The following LAMC2 variants were observed in gnomAD, a reference collection of about 807,000 sequenced individuals.
The protein encoded by LAMC2 is laminin subunit gamma 2, also known as laminin subunit gamma-2.
A neutral mutation model predicts 140.2 loss-of-function variants in LAMC2; 97 were observed. The ratio of observed to expected loss-of-function variants is 0.69; its 90% CI spans 0.59 to 0.82. The LOEUF (loss-of-function observed/expected upper bound fraction) is 0.82, where lower values mean the gene tolerates loss of function less well. Ranked by LOEUF, LAMC2 falls within the 40% of genes least tolerant of loss-of-function variation. LAMC2 has a pLI of 0.00. For synonymous variants in LAMC2, 513 were observed against 540.2 expected (o/e 0.95, Z 0.70); for missense variants, 1,402 against 1,476.1 (o/e 0.95, Z 0.82).
In LAMC2 at chr1:183,235,733, A is replaced by G. The variant is rs776569646; in HGVS notation, c.2456+3A>G. On this transcript the variant is annotated splice_donor_region_variant and intron_variant, in intron 16 of 22. Coordinates refer to ENST00000264144, the MANE Select transcript of LAMC2 (RefSeq NM_005562.3). ...GTGGTGCAAGGGCTTGTGGAAAAGT[A>G]CGTTCCTACGGGTCCTCCCGTGGCT... 1.2e-6 allele frequency: 2 copies of G among 1,614,068 alleles called. No individual in the cohort carries two copies. Among genetic ancestry groups the G allele is most frequent in the South Asian group, 2.2e-5 (2 of 91,068 alleles).
chr1:183,205,650 G>C (rs1658862386), intron 1 of LAMC2, among the ~76,000 whole-genome samples: 1 of 152,212 alleles, frequency 6.6e-6, no homozygotes, highest in Non-Finnish European at 1.5e-5. Flanking sequence ...TGACAGATCT[G>C]TAGTCCAACT....
At chr1:183,224,562 A>G (rs1659571444) in intron 7 of LAMC2, among the ~76,000 whole-genome samples, 1 of 152,152 alleles carries the variant, frequency 6.6e-6, no homozygotes. Flanking sequence ...GGCTCAACTG[A>G]GAGTGGTTAG....
rs1275340115 is a variant in LAMC2 at position 183,235,659 on chromosome 1, G to C, written c.2385G>C (p.Lys795Asn). ...AACAAGCCCTCTCACTGGTGCGCAA[G>C]GCCCTGCATGAAGGAGTCGGAAGCG... is the stretch of plus-strand genomic sequence containing the variant. The part of the protein sequence containing the change: ...YSKQALSLVR[K>N]ALHEGVGSGS... The change falls in exon 16 of 23, where the codon AAG (lysine) becomes AAC (asparagine). Residue 795 changes from lysine (K) to asparagine (N), a missense_variant. Lys to Asn is a moderately conservative substitution (Grantham distance 94, BLOSUM62 0). This residue lies in a region of LAMC2 where 670 missense variants were observed against 667.2 expected (regional missense o/e 1.00). Coordinates refer to ENST00000264144, the MANE Select transcript of LAMC2 (RefSeq NM_005562.3). The C allele has an allele frequency of 3.1e-6, 5 of 1,614,134 alleles. No individual in the cohort carries two copies. Among genetic ancestry groups the C allele is most frequent in the African/African-American group, 2.7e-5 (2 of 74,942 alleles).
chr1:183,246,187 A>G (rs1571546434), downstream of LAMC2, among the ~76,000 whole-genome samples: 1 of 150,740 alleles, frequency 6.6e-6, no homozygotes, highest in East Asian at 1.9e-4. Context: ...AAAAAAAAAA[A>G]GGTCGTAAGA....
Position 183,243,186 on chromosome 1 carries a change from TG to T in LAMC2, c.3370del (p.Glu1124SerfsTer18). On this transcript the variant is annotated frameshift_variant, in exon 23 of 23. Coordinates refer to ENST00000264144, the MANE Select transcript of LAMC2 (RefSeq NM_005562.3). LOFTEE classifies it high-confidence loss of function. ...GTAGATGAAGAGGGGCTGGTCTTACTGGAGCAGAAGCTTTCCCGAGCCAAGA... is the reference window on the plus strand; with the variant it reads ...GTAGATGAAGAGGGGCTGGTCTTACTGAGCAGAAGCTTTCCCGAGCCAAGA... ...LSVDEEGLVLLEQKLSRAKTQ... is the reference protein window; with the variant it reads ...LSVDEEGLVLXEQKLSRAKTQ... 6.2e-7 allele frequency: 1 copy of T among 1,608,470 alleles called. No homozygotes were observed. The highest frequency in any genetic ancestry group is 8.5e-7 in the Non-Finnish European group (1 of 1,177,596).
the LAMC2 span, among the ~76,000 whole-genome samples, chr1:183,257,359 T>C: frequency 6.6e-6 from 1 of 152,048 alleles, no homozygotes; most frequent in Non-Finnish European, 1.5e-5. Context: ...GAGAATCACT[T>C]GAACCCGGGA....
rs1007663633 is a variant in LAMC2, at chr1:183,243,894, C to T, written c.*494C>T. On this transcript the variant is annotated 3_prime_UTR_variant, in exon 23 of 23. Coordinates refer to ENST00000264144, the MANE Select transcript of LAMC2 (RefSeq NM_005562.3). ...TACTATTGCCTCATATTGTCCTCTG[C>T]AAGCTTCTTGCTGATCAGAGTTCCT... 1.5e-5 allele frequency: 3 copies of T among 197,916 alleles called. No homozygotes were observed. In the Admixed American group the frequency reaches 1.6e-4, roughly 11 times the overall value. The allele number at this position is 197,916 out of a possible 1,614,324, so 12.3% of individuals were successfully genotyped here.
At position 183,218,499 on chromosome 1, in the gene LAMC2, AC is replaced by A. The variant is rs1659353942; in HGVS notation, c.503+13del. The A allele has an allele frequency of 6.3e-7, 1 of 1,599,470 alleles. No individual in the cohort carries two copies. Among genetic ancestry groups the A allele is most frequent in the East Asian group, 2.2e-5 (1 of 44,754 alleles). Reference sequence around the variant, plus strand: ...AGAACGCTGTGATAGGTCTGTGTGAACCGTGGCCCTACAAACAGCAGAGAGA... The same window carrying A: ...AGAACGCTGTGATAGGTCTGTGTGAACGTGGCCCTACAAACAGCAGAGAGA... On this transcript the variant is annotated intron_variant, in intron 4 of 22. Coordinates refer to ENST00000264144, the MANE Select transcript of LAMC2 (RefSeq NM_005562.3).
At position 183,239,580 on chromosome 1, in the gene LAMC2, A is replaced by G. The variant is rs764213970; in HGVS notation, c.3069+17A>G. 6.2e-7 allele frequency: 1 copy of G among 1,606,350 alleles called. No individual in the cohort carries two copies. The highest frequency in any genetic ancestry group is 1.7e-5 in the Admixed American group (1 of 59,760). ...ATTGAACAGGTAAAGAGAAATCGAC[A>G]TGTGTGTTGGTGCCAGTAGCACCAA... On this transcript the variant is annotated intron_variant, in intron 20 of 22. Coordinates refer to ENST00000264144, the MANE Select transcript of LAMC2 (RefSeq NM_005562.3).
intron 9 of LAMC2, 81 bp downstream of exon 9, chr1:183,226,997 ACT>A: frequency 2.7e-6 from 3 of 1,109,328 alleles, no homozygotes; most frequent in Non-Finnish European, 4.1e-6. Context: ...CCATGGCTGA[ACT>A]CACATCAGAG....
In LAMC2 at chr1:183,237,359, A is replaced by G. The variant is rs767202998; in HGVS notation, c.2609A>G (p.Glu870Gly). 1 of 1,614,172 alleles carries G rather than the reference A, an allele frequency of 6.2e-7. No homozygotes were observed. The highest frequency in any genetic ancestry group is 1.7e-5 in the Admixed American group (1 of 60,024). The part of the protein sequence containing the change: ...GVSDQSFQVE[E>G]AKRIKQKADS... Reference sequence around the variant, plus strand: ...GTTTCTTTGGGCTCATAGGTGGAAGAAGCAAAGAGGATCAAACAAAAAGCG... The same window carrying G: ...GTTTCTTTGGGCTCATAGGTGGAAGGAGCAAAGAGGATCAAACAAAAAGCG... Residue 870 changes from glutamate to glycine, a missense_variant, in exon 18 of 23, where the codon GAA becomes GGA. Glu to Gly is a moderately conservative substitution (Grantham distance 98). Transcript: ENST00000264144.
chr1:183,212,458 C>T (rs1659101663), intron 2 of LAMC2, among the ~76,000 whole-genome samples: 1 of 152,150 alleles, frequency 6.6e-6, no homozygotes, highest in Admixed American at 6.5e-5. Context: ...CCCTCACCCT[C>T]CTTAGACCTC....
chr1:183,232,315 C>T lies in LAMC2; in HGVS notation c.1986C>T (p.Asp662=), dbSNP rs138941174. 1.9e-4 allele frequency: 305 copies of T among 1,614,058 alleles called. 2 individuals carry two copies. The African/African-American group carries it at 3.1e-3, about 16-fold the overall frequency. The change falls in exon 13 of 23, where the codon GAC becomes GAT. Residue 662 remains aspartate (D), a synonymous_variant. Transcript: ENST00000264144. The part of the protein sequence containing the change: ...RMQQAEQALQ[D]ILRDAQISEG... ...AGCAGGCTGAGCAGGCCCTTCAGGACATTCTGAGAGATGCCCAGATTTCAG... is the reference window on the plus strand; with the variant it reads ...AGCAGGCTGAGCAGGCCCTTCAGGATATTCTGAGAGATGCCCAGATTTCAG...
At chr1:183,253,099 TG>T in the LAMC2 span, among the ~76,000 whole-genome samples, 1 of 152,062 alleles carries the variant, frequency 6.6e-6, no homozygotes, top group Non-Finnish European at 1.5e-5. Flanking sequence ...AGACACACAG[TG>T]GGCATCTAAT....
Position 183,243,628 on chromosome 1 carries a change from G to A in LAMC2, c.*228G>A, listed in dbSNP as rs1660184977. ...ATGAGGCAGATAGCACTGGGTGTGA[G>A]AATGATCAAGGATCTGGACCCCAAA... On this transcript the variant is annotated 3_prime_UTR_variant, in exon 23 of 23. Transcript: ENST00000264144. 1 of 585,006 alleles carries A rather than the reference G, an allele frequency of 1.7e-6. No homozygotes were observed. The allele number at this position is 585,006 out of a possible 1,614,324, so 36.2% of individuals were successfully genotyped here. A position where few individuals can be genotyped will look rare whatever the true frequency, so the allele number is the denominator to read the frequency against.
chr1:183,232,965 T>G, intron 14 of LAMC2, 108 bp downstream of exon 14: 1 of 1,007,658 alleles, frequency 9.9e-7, no homozygotes. Context: ...TTTCTGTTTC[T>G]GATCTACCTG....
chr1:183,252,413 CAT>C, the LAMC2 span: 1 of 473,908 alleles, frequency 2.1e-6, no homozygotes, highest in Admixed American at 3.3e-5. Context: ...ACTCCCACCC[CAT>C]TCCCTCACCC....
At chr1:183,191,387 G>C (rs937950866) in intron 1 of LAMC2, among the ~76,000 whole-genome samples, 1 of 152,050 alleles carries the variant, frequency 6.6e-6, no homozygotes, top group African/African-American at 2.4e-5. Flanking sequence ...TTGTTGATTT[G>C]TGATTCGTGT....
At chr1:183,258,102 C>T in the LAMC2 span, among the ~76,000 whole-genome samples, 1 of 152,288 alleles carries the variant, frequency 6.6e-6, no homozygotes, top group African/African-American at 2.4e-5. Context: ...TCTTTTCCTT[C>T]CTACAGGAGC....
Sources: gnomAD v4.1 joint callset for allele counts (sites outside exome capture counted in the v4.1 genomes callset) on GRCh38, gnomAD v4.1.1 for gene constraint, gnomAD v4.1.1 regional missense constraint, MANE v1.5 for transcripts, NCBI Gene and HGNC (gene_info 2026-07-23, HGNC 2026-07-21) for gene names.